CYTH3: variants seen among roughly 807,000 people sequenced by gnomAD.
CYTH3 encodes the protein cytohesin 3, also known as cytohesin-3.
Under a neutral mutation model 55.1 loss-of-function variants are expected in CYTH3, and 23 were observed. The ratio of observed to expected loss-of-function variants is 0.42; its 90% CI spans 0.30 to 0.59. The LOEUF (loss-of-function observed/expected upper bound fraction) is 0.59. Ranked by LOEUF, CYTH3 falls within the 20% of genes least tolerant of loss-of-function variation. The pLI is 0.20. For synonymous variants in CYTH3, 249 were observed against 194.9 expected (o/e 1.28, Z -2.31); for missense variants, 413 against 524.8 (o/e 0.79, Z 2.08).
intron 1 of CYTH3, among the ~76,000 whole-genome samples, chr7:6,220,674 G>C (rs530924226): frequency 6.6e-6 from 1 of 151,674 alleles, no homozygotes; most frequent in Admixed American, 6.6e-5. Context: ...TAGCCCTCCG[G>C]AAAACAATTT....
chr7:6,225,881 T>C (rs1157085787), intron 1 of CYTH3, among the ~76,000 whole-genome samples: 1 of 152,080 alleles, frequency 6.6e-6, no homozygotes, highest in African/African-American at 2.4e-5. Context: ...GGTTTCACCA[T>C]GTTGGCCAGA....
chr7:6,184,354 C>A (rs1377037520), intron 4 of CYTH3, among the ~76,000 whole-genome samples: 1 of 152,038 alleles, frequency 6.6e-6, no homozygotes, highest in Non-Finnish European at 1.5e-5. Flanking sequence ...GCCACCGCGC[C>A]TGGCCCCCTC....
chr7:6,172,700 G>T (rs1485294779), intron 6 of CYTH3: 10 of 1,102,464 alleles, frequency 9.1e-6, no homozygotes, highest in Non-Finnish European at 1.1e-5. Flanking sequence ...ACAGCTGCAA[G>T]GGCCGCACCA....
chr7:6,209,166 T>C (rs1306369907), intron 1 of CYTH3, among the ~76,000 whole-genome samples: 1 of 152,278 alleles, frequency 6.6e-6, no homozygotes, highest in Non-Finnish European at 1.5e-5. Flanking sequence ...TCTGCGCCTT[T>C]AGGCACAGCG....
rs1242776829 is a variant in CYTH3, at chr7:6,170,797, C to T, written c.711+33G>A. On this transcript the variant is annotated intron_variant, in intron 8 of 12. Coordinates refer to ENST00000350796, the MANE Select transcript of CYTH3 (RefSeq NM_004227.4). The surrounding 1 kb of genome is among the most constrained non-coding windows in gnomAD (Gnocchi z 7.8). Reference sequence around the variant, plus strand: ...GGCCGCTCACAGCGAAGAGATCCTGCAGACGGCAGCGGCCGCGGGCCGGGG... The same window carrying T: ...GGCCGCTCACAGCGAAGAGATCCTGTAGACGGCAGCGGCCGCGGGCCGGGG... 6.3e-7 allele frequency: 1 copy of T among 1,595,892 alleles called. No individual in the cohort carries two copies. Among genetic ancestry groups the T allele is most frequent in the Admixed American group, 1.7e-5 (1 of 57,974 alleles).
chr7:6,221,061 TC>T (rs1784538905), intron 1 of CYTH3, among the ~76,000 whole-genome samples: 1 of 152,150 alleles, frequency 6.6e-6, no homozygotes, highest in Non-Finnish European at 1.5e-5. Context: ...ATTTATTTAT[TC>T]CAGAGAAATT....
At chr7:6,226,602 TAGTTA>T (rs1246358924) in intron 1 of CYTH3, among the ~76,000 whole-genome samples, 1 of 152,188 alleles carries the variant, frequency 6.6e-6, no homozygotes, top group African/African-American at 2.4e-5. Context: ...ATTAACTTTT[TAGTTA>T]AGTTACTTCC....
At chr7:6,249,893 G>C (rs1226552846) in intron 1 of CYTH3, among the ~76,000 whole-genome samples, 1 of 152,150 alleles carries the variant, frequency 6.6e-6, no homozygotes, top group Admixed American at 6.6e-5. Context: ...AAATCACTCT[G>C]CAAATTTCAA....
At chr7:6,227,338 G>A (rs1172375752) in intron 1 of CYTH3, among the ~76,000 whole-genome samples, 1 of 151,488 alleles carries the variant, frequency 6.6e-6, no homozygotes, top group South Asian at 2.1e-4. Flanking sequence ...GATATAATAA[G>A]TGCAAATGGT....
intron 1 of CYTH3, among the ~76,000 whole-genome samples, chr7:6,254,736 C>T (rs1457944361): frequency 6.6e-6 from 1 of 152,228 alleles, no homozygotes; most frequent in African/African-American, 2.4e-5. Context: ...AGGCGTGAGC[C>T]ATCGCACCTG....
At chr7:6,266,818 CCTCTTTTGTCTGT>C (rs1397067854) in intron 1 of CYTH3, among the ~76,000 whole-genome samples, 1 of 152,188 alleles carries the variant, frequency 6.6e-6, no homozygotes, top group African/African-American at 2.4e-5. Context: ...TAGCTGTTTA[CCTCTTTTGTCTGT>C]CTCTCCATCT....
chr7:6,249,643 C>T (rs1040666575), intron 1 of CYTH3, among the ~76,000 whole-genome samples: 1 of 152,226 alleles, frequency 6.6e-6, no homozygotes, highest in Admixed American at 6.5e-5. Context: ...ATAGGTTTCC[C>T]ATTTGTAGTT....
chr7:6,229,504 T>C (rs1416669481), intron 1 of CYTH3, among the ~76,000 whole-genome samples: 1 of 151,784 alleles, frequency 6.6e-6, no homozygotes, highest in African/African-American at 2.4e-5. Flanking sequence ...AGCGGTCGAG[T>C]AGGGCTCATA....
intron 5 of CYTH3, among the ~76,000 whole-genome samples, chr7:6,174,454 A>T (rs1783280120): frequency 6.7e-6 from 1 of 149,092 alleles, no homozygotes; most frequent in Non-Finnish European, 1.5e-5. Flanking sequence ...TAAGGGTTTG[A>T]CTTCCCTGCA....
chr7:6,217,783 T>C (rs992749632), intron 1 of CYTH3, among the ~76,000 whole-genome samples: 9 of 152,164 alleles, frequency 5.9e-5, no homozygotes, highest in Non-Finnish European at 5.9e-5. Context: ...GGCTGAATCA[T>C]TGACCCCCAA....
At chr7:6,216,491 C>A (rs1784429711) in intron 1 of CYTH3, among the ~76,000 whole-genome samples, 1 of 151,950 alleles carries the variant, frequency 6.6e-6, no homozygotes, top group East Asian at 1.9e-4. Context: ...GTAATGCTAG[C>A]ACTTTGGGAG....
At chr7:6,249,845 C>T (rs1779915300) in intron 1 of CYTH3, among the ~76,000 whole-genome samples, 1 of 152,228 alleles carries the variant, frequency 6.6e-6, no homozygotes, top group African/African-American at 2.4e-5. Context: ...CCTCTCGCCT[C>T]ACATAGTTAC....
At chr7:6,212,510 C>T (rs1195483905) in intron 1 of CYTH3, 7 of 152,162 alleles carry the variant, frequency 4.6e-5, no homozygotes, top group African/African-American at 1.7e-4. Context: ...TAAGTAGAAT[C>T]ACACAGTATG....
Position 6,173,746 on chromosome 7 carries a change from G to C in CYTH3, c.369-13C>G, listed in dbSNP as rs1562878186. 2.6e-6 allele frequency: 4 copies of C among 1,517,096 alleles called. No homozygotes were observed. In the African/African-American group the frequency reaches 5.5e-5, roughly 21 times the overall value. The allele number at this position is 1,517,096 out of a possible 1,614,324, so 94.0% of individuals were successfully genotyped here. Reference sequence around the variant, plus strand: ...ATTAAATTCATCCCTGGGAAAAAAAGAAGTAAGTTTCAAACCTAATGTACA... The same window carrying C: ...ATTAAATTCATCCCTGGGAAAAAAACAAGTAAGTTTCAAACCTAATGTACA... On this transcript the variant is annotated splice_polypyrimidine_tract_variant and intron_variant, in intron 5 of 12. Transcript: ENST00000350796.
Sources: gnomAD v4.1 joint callset for allele counts (sites outside exome capture counted in the v4.1 genomes callset) on GRCh38, gnomAD v4.1.1 for gene constraint, Gnocchi (gnomAD v3.1) non-coding constraint, MANE v1.5 for transcripts, NCBI Gene and HGNC (gene_info 2026-07-23, HGNC 2026-07-21) for gene names.